The following DOCK4 variants were observed in gnomAD, a reference collection of about 807,000 sequenced individuals.
DOCK4 encodes dedicator of cytokinesis protein 4.
DOCK4 carries 97 observed loss-of-function variants against 268.1 expected under a neutral mutation model. The ratio of observed to expected loss-of-function variants is 0.36; its 90% confidence interval spans 0.31 to 0.43. The LOEUF (loss-of-function observed/expected upper bound fraction) is 0.43. DOCK4 is among the 20% of genes least tolerant of loss of function. DOCK4 has a pLI of 1.00. For missense variants in DOCK4, 2,145 were observed against 2,455.7 expected, an observed-to-expected ratio of 0.87 and a Z score of 2.67; for synonymous variants, 954 against 887.2, an observed-to-expected ratio of 1.08 and a Z score of -1.34.
intron 16 of DOCK4, 88 bp downstream of exon 16, chr7:111,895,524 T>C: frequency 1.8e-6 from 2 of 1,140,130 alleles, no homozygotes; most frequent in Non-Finnish European, 2.6e-6. Flanking sequence ...TTTCAGTCAT[T>C]TTTTTCTCTT....
At chr7:112,174,576 T>C (rs1412936765) in intron 1 of DOCK4, among the ~76,000 whole-genome samples, 1 of 152,112 alleles carries the variant, frequency 6.6e-6, no homozygotes, top group East Asian at 1.9e-4. Flanking sequence ...CATATATGTA[T>C]ATGAAAGAAA....
At chr7:112,177,804 G>A (rs537263844) in intron 1 of DOCK4, among the ~76,000 whole-genome samples, 4 of 152,170 alleles carry the variant, frequency 2.6e-5, no homozygotes, top group Admixed American at 2.0e-4. Flanking sequence ...CAGGAAATCT[G>A]TATCTTTATC....
chr7:111,981,524 A>T (rs1798607534), intron 7 of DOCK4, among the ~76,000 whole-genome samples: 1 of 152,238 alleles, frequency 6.6e-6, no homozygotes, highest in South Asian at 2.1e-4. Flanking sequence ...AACTTAAAAT[A>T]GAAGTTGAAG....
At chr7:112,142,711 T>C (rs1031300178) in intron 1 of DOCK4, among the ~76,000 whole-genome samples, 1 of 152,106 alleles carries the variant, frequency 6.6e-6, no homozygotes, top group Non-Finnish European at 1.5e-5. Context: ...AACAGGATCC[T>C]GAATTTTGTG....
At chr7:112,124,494 C>T (rs145933404) in intron 1 of DOCK4, among the ~76,000 whole-genome samples, 63 of 152,310 alleles carry the variant, frequency 4.1e-4, no homozygotes, top group African/African-American at 1.5e-3. Context: ...ATATTCCACC[C>T]AGTCAAGGAC....
intron 1 of DOCK4, chr7:112,023,721 G>C (rs1802539600): frequency 2.4e-6 from 1 of 424,014 alleles, no homozygotes; most frequent in Admixed American, 2.8e-5. Context: ...CCCTGAAAGG[G>C]GGTGCATACC....
intron 44 of DOCK4, among the ~76,000 whole-genome samples, chr7:111,745,918 G>A (rs934132961): frequency 6.6e-6 from 1 of 151,976 alleles, no homozygotes; most frequent in Non-Finnish European, 1.5e-5. Flanking sequence ...GGTTGCAGTC[G>A]AAACTTCATG....
Position 111,943,335 on chromosome 7 carries a change from T to C in DOCK4, c.844+1476A>G, listed in dbSNP as rs967976764. Among the ~76,000 whole-genome samples the C allele has an allele frequency of 6.6e-5, 10 of 152,260 alleles. No individual in the cohort carries two copies. In the East Asian group the frequency reaches 9.7e-4, roughly 15 times the overall value. On this transcript the variant is annotated intron_variant, in intron 10 of 52. Coordinates refer to ENST00000428084, the MANE Select transcript of DOCK4 (RefSeq NM_001363540.2). The stretch of plus-strand genomic sequence containing the variant: ...GCTTCCTTGGCAATAACACTGTGAG[T>C]GAAGTCCATGGGCCAGAAGGCACAT...
chr7:112,168,065 A>T (rs79920330), intron 1 of DOCK4, among the ~76,000 whole-genome samples: 1 of 152,252 alleles, frequency 6.6e-6, no homozygotes, highest in East Asian at 1.9e-4. Flanking sequence ...AAAAAAAAAA[A>T]TACTAGTACT....
Position 111,940,152 on chromosome 7 carries a change from A to G in DOCK4, c.935T>C (p.Leu312Pro), listed in dbSNP as rs1795090669. 1 of 1,614,014 alleles carries G rather than the reference A, an allele frequency of 6.2e-7. No individual in the cohort carries two copies. The highest frequency in any genetic ancestry group is 8.5e-7 in the Non-Finnish European group (1 of 1,179,890). ...GCAVLSIADL[L>P]TGETKDDLIL... ...GAGGTCATCCTTTGTCTCTCCTGTT[A>G]GCAGGTCAGCGATGCTAAGAACTGC... The change falls in exon 11 of 53, where the codon CTA becomes CCA. Residue 312 changes from leucine to proline, a missense_variant. Physicochemically the swap from Leu to Pro is moderately conservative, Grantham distance 98. Coordinates refer to ENST00000428084, the MANE Select transcript of DOCK4 (RefSeq NM_001363540.2).
chr7:111,974,368 T>A (rs183298650), intron 8 of DOCK4, among the ~76,000 whole-genome samples: 1 of 152,054 alleles, frequency 6.6e-6, no homozygotes, highest in South Asian at 2.1e-4. Context: ...ATCACCTTTA[T>A]GGTGATTGTG....
intron 1 of DOCK4, among the ~76,000 whole-genome samples, chr7:112,048,273 T>C (rs975583022): frequency 1.3e-5 from 2 of 150,938 alleles, no homozygotes; most frequent in African/African-American, 4.9e-5. Flanking sequence ...AGAGAAAGGC[T>C]GGACGTGGTG....
At chr7:112,127,123 C>A (rs890679894) in intron 1 of DOCK4, among the ~76,000 whole-genome samples, 7 of 149,940 alleles carry the variant, frequency 4.7e-5, no homozygotes, top group Non-Finnish European at 1.0e-4. Flanking sequence ...ATGTTTATTG[C>A]GGCATTATTC....
chr7:112,063,815 G>A (rs1806671956), intron 1 of DOCK4, among the ~76,000 whole-genome samples: 1 of 152,210 alleles, frequency 6.6e-6, no homozygotes, highest in East Asian at 1.9e-4. Context: ...TGTTGTCAGG[G>A]TAGGATCGGG....
At chr7:111,755,291 A>G (rs1796945692) in intron 42 of DOCK4, among the ~76,000 whole-genome samples, 1 of 152,180 alleles carries the variant, frequency 6.6e-6, no homozygotes, top group Non-Finnish European at 1.5e-5. Flanking sequence ...TACATGTAGC[A>G]AATTGAGTTG....
chr7:112,115,975 G>A (rs373754352), intron 1 of DOCK4, among the ~76,000 whole-genome samples: 25 of 152,162 alleles, frequency 1.6e-4, no homozygotes, highest in African/African-American at 5.3e-4. Flanking sequence ...CACCATGCTC[G>A]GCCTATTTTT....
intron 23 of DOCK4, among the ~76,000 whole-genome samples, chr7:111,853,331 GCA>G (rs1462299500): frequency 6.6e-5 from 10 of 152,272 alleles, no homozygotes; most frequent in Admixed American, 6.5e-4. Context: ...CTGGACGTGG[GCA>G]CTGCTGAGGG....
Position 111,728,698 on chromosome 7 carries a change from G to C in DOCK4, c.5504C>G (p.Pro1835Arg), listed in dbSNP as rs776053096. Residue 1835 changes from proline to arginine, a missense_variant, in exon 53 of 53, where the codon CCC (proline) becomes CGC (arginine). Around this residue, in one of 2 missense-constraint regions of DOCK4, gnomAD observed 547 missense variants for 469.0 expected, o/e 1.17. Transcript: ENST00000428084. Reference protein sequence around the residue: ...PLKGSVQSFTPSPVEYHSPGL... With the variant: ...PLKGSVQSFTRSPVEYHSPGL... ...TGGCGAGTGGTACTCCACTGGAGAG[G>C]GGGTGAAAGACTGCACAGAGCCCTG... 20 of 1,612,950 alleles carry C rather than the reference G, an allele frequency of 1.2e-5. No homozygotes were observed. In the East Asian group the frequency reaches 1.3e-4, roughly 11 times the overall value.
intron 1 of DOCK4, among the ~76,000 whole-genome samples, chr7:112,105,380 G>A (rs1811047380): frequency 6.6e-6 from 1 of 152,016 alleles, no homozygotes; most frequent in Non-Finnish European, 1.5e-5. Flanking sequence ...ACAAGATAAT[G>A]GGTAATGAGA....
Sources: allele counts gnomAD v4.1 joint callset (sites outside exome capture counted in the v4.1 genomes callset), GRCh38; gene constraint gnomAD v4.1.1; regional missense constraint gnomAD v4.1.1; transcripts MANE v1.5; gene names NCBI Gene and HGNC (gene_info 2026-07-23, HGNC 2026-07-21).